Variants in NSD2 observed in about 807,000 individuals in gnomAD.
The protein encoded by NSD2 is histone-lysine N-methyltransferase NSD2.
NSD2 carries 12 observed loss-of-function variants against 139.0 expected under a neutral mutation model. That is an observed-to-expected ratio of 0.09 (90% CI 0.06 to 0.14). NSD2 has a LOEUF of 0.14. Among genes scored for constraint, NSD2 ranks in the 10% least tolerant of loss-of-function variants. The probability of loss-of-function intolerance (pLI) is 1.00; values close to 1 mark genes in which losing one functional copy is unlikely to be tolerated. For synonymous variants in NSD2, 669 were observed against 648.7 expected, an observed-to-expected ratio of 1.03 and a Z score of -0.48; for missense variants, 1,155 against 1,745.0, an observed-to-expected ratio of 0.66 and a Z score of 6.02.
At chr4:1,874,690 G>A (rs1249292490) in intron 1 of NSD2, among the ~76,000 whole-genome samples, 1 of 152,100 alleles carries the variant, frequency 6.6e-6, no homozygotes, top group African/African-American at 2.4e-5. Flanking sequence ...CCAACAAGTA[G>A]TAGAACAGAT....
intron 18 of NSD2, 133 bp downstream of exon 18, chr4:1,961,284 C>A: frequency 1.4e-6 from 1 of 736,700 alleles, no homozygotes; most frequent in Non-Finnish European, 2.2e-6. Flanking sequence ...CAAACATCTG[C>A]ACATTTTCTT....
chr4:1,900,537 C>T, intron 1 of NSD2, 89 bp from the exon 2 acceptor site: 2 of 801,066 alleles, frequency 2.5e-6, no homozygotes, highest in Non-Finnish European at 3.7e-6. Flanking sequence ...AAATCAGACC[C>T]CACAAAGCTG....
intron 1 of NSD2, among the ~76,000 whole-genome samples, chr4:1,880,467 A>T (rs1714617728): frequency 6.6e-6 from 1 of 152,122 alleles, no homozygotes; most frequent in African/African-American, 2.4e-5. Flanking sequence ...ATATTTCTTC[A>T]TTCATTGAGT....
chr4:1,976,962 C>A lies in NSD2; in HGVS notation c.3826+283C>A, dbSNP rs542928753. The stretch of plus-strand genomic sequence containing the variant: ...CCAAGGCCCAGCTGCAGAATTGGGG[C>A]CCTCATCCATGCTGTGGGGGCGGGG... On this transcript the variant is annotated intron_variant, in intron 21 of 21. Transcript: ENST00000508803. This position sits in a 1 kb window ranked among gnomAD's most constrained non-coding sequence, Gnocchi z 5.3. Among the ~76,000 whole-genome samples the A allele has an allele frequency of 6.9e-4, 105 of 152,366 alleles. No homozygotes were observed. Among genetic ancestry groups the A allele is most frequent in the Non-Finnish European group, 1.1e-3 (78 of 68,030 alleles).
chr4:1,877,792 G>T (rs1405734384), intron 1 of NSD2, among the ~76,000 whole-genome samples: 5 of 152,130 alleles, frequency 3.3e-5, no homozygotes, highest in Admixed American at 6.6e-5. Flanking sequence ...CCAGGTATCT[G>T]TGTGGCTTAC....
Position 1,976,551 on chromosome 4 carries a change from A to G in NSD2, c.3698A>G (p.Glu1233Gly). 1 of 1,613,918 alleles carries G rather than the reference A, an allele frequency of 6.2e-7. No homozygotes were observed. The highest frequency in any genetic ancestry group is 8.5e-7 in the Non-Finnish European group (1 of 1,179,948). The change falls in exon 21 of 22, where the codon GAA becomes GGA. Residue 1233 changes from glutamate to glycine, a missense_variant. Coordinates refer to ENST00000508803, the MANE Select transcript of NSD2 (RefSeq NM_001042424.3). The surrounding 1 kb of genome is among the most constrained non-coding windows in gnomAD (Gnocchi z 5.3). The part of the protein sequence containing the change: ...KKTRRRRAKG[E>G]GKRQSEDECF... ...ACGAGGCGGCGCAGAGCAAAAGGGG[A>G]AGGGAAGAGGCAGTCAGAGGACGAG...
chr4:1,954,900 A>C (rs1577535416), intron 12 of NSD2, among the ~76,000 whole-genome samples: 1 of 152,284 alleles, frequency 6.6e-6, no homozygotes, highest in South Asian at 2.1e-4. Flanking sequence ...CACACTGCAC[A>C]ATGCCCAGGT....
chr4:1,945,602 G>A (rs1723546115), intron 9 of NSD2: 1 of 1,065,140 alleles, frequency 9.4e-7, no homozygotes, highest in Non-Finnish European at 1.1e-6. Context: ...CACCTGTGAT[G>A]GCAGGGCTGT....
In NSD2 at chr4:1,918,440, A is replaced by G; in HGVS notation, c.1227A>G (p.Ala409=). The change falls in exon 5 of 22, where the codon GCA becomes GCG. Residue 409 remains alanine (A), a synonymous_variant. Coordinates refer to ENST00000508803, the MANE Select transcript of NSD2 (RefSeq NM_001042424.3). ...RRRRAKLCSS[A]ETLESHPDIG... is the part of the protein sequence containing the mutation. The stretch of plus-strand genomic sequence containing the variant: ...GGAGGGCCAAACTGTGTAGCTCTGC[A>G]GAGACCCTGGAGAGTCACCCCGACA... 6.2e-7 allele frequency: 1 copy of G among 1,614,142 alleles called. No homozygotes were observed. Among genetic ancestry groups the G allele is most frequent in the Non-Finnish European group, 8.5e-7 (1 of 1,180,032 alleles).
chr4:1,953,102 C>A (rs1165906540), intron 11 of NSD2: 4 of 1,510,350 alleles, frequency 2.6e-6, no homozygotes, highest in Non-Finnish European at 3.5e-6. Context: ...TCCTGTATTT[C>A]AGGTGAAGCT....
intron 9 of NSD2, chr4:1,947,022 G>T (rs1723706666): frequency 5.6e-6 from 6 of 1,063,902 alleles, no homozygotes; most frequent in Admixed American, 1.1e-4. Flanking sequence ...TGAGGTAGGG[G>T]TGGGGGTCCT....
chr4:1,928,805 G>C (rs1354253184), intron 5 of NSD2, among the ~76,000 whole-genome samples: 1 of 152,114 alleles, frequency 6.6e-6, no homozygotes, highest in East Asian at 1.9e-4. Context: ...GAGGTGAGAG[G>C]CAGATGTGTT....
Position 1,948,713 on chromosome 4 carries a change from G to A in NSD2, c.1882-2359G>A. ...TTTCCATTCAAAATATGTATTCAGT[G>A]TTTATTTCCTCAAAACAGACTTTGT... On this transcript the variant is annotated intron_variant, in intron 9 of 21. Coordinates refer to ENST00000508803, the MANE Select transcript of NSD2 (RefSeq NM_001042424.3). This position sits in a 1 kb window ranked among gnomAD's most constrained non-coding sequence, Gnocchi z 4.5. 1 of 1,052,590 alleles carries A rather than the reference G, an allele frequency of 9.5e-7. No individual in the cohort carries two copies. Among genetic ancestry groups the A allele is most frequent in the Non-Finnish European group, 1.1e-6 (1 of 870,256 alleles). The allele number at this position is 1,052,590 out of a possible 1,614,324, so 65.2% of individuals were successfully genotyped here.
intron 3 of NSD2, among the ~76,000 whole-genome samples, chr4:1,910,759 A>G (rs1180195332): frequency 6.6e-6 from 1 of 152,174 alleles, no homozygotes; most frequent in African/African-American, 2.4e-5. Flanking sequence ...GAGATGTGTT[A>G]AAATCTCCCA....
rs1373823679 is a variant in NSD2 at position 1,935,156 on chromosome 4, G to A, written c.1568G>A (p.Gly523Glu). ...TCCCCATTCCAAGGTAATGTAAATG[G>A]GAAAAAAAGAAACCACACAAAGAGG... Reference protein sequence around the residue: ...QAEEDSGNVNGKKRNHTKRIQ... With the variant: ...QAEEDSGNVNEKKRNHTKRIQ... The change falls in exon 7 of 22, where the codon GGG becomes GAG. Residue 523 changes from glycine to glutamate, a missense_variant. By Grantham distance (98) the Gly-to-Glu change is moderately conservative. Around this residue, in one of 8 missense-constraint regions of NSD2, gnomAD observed 420 missense variants for 469.0 expected, o/e 0.90. Transcript: ENST00000508803. 1 of 1,609,928 alleles carries A rather than the reference G, an allele frequency of 6.2e-7. No individual in the cohort carries two copies. The highest frequency in any genetic ancestry group is 1.1e-5 in the South Asian group (1 of 90,428).
At chr4:1,872,520 C>G (rs1185183361) in intron 1 of NSD2, among the ~76,000 whole-genome samples, 2 of 148,086 alleles carry the variant, frequency 1.4e-5, no homozygotes, top group East Asian at 2.0e-4. Context: ...AGTATCAAAA[C>G]TGATGTGGTG....
At chr4:1,962,933 C>T (rs1725514825) in intron 18 of NSD2, among the ~76,000 whole-genome samples, 1 of 152,166 alleles carries the variant, frequency 6.6e-6, no homozygotes, top group South Asian at 2.1e-4. Flanking sequence ...GGGCGCACCA[C>T]CCAGGGGATA....
chr4:1,894,627 G>A (rs533865421), intron 1 of NSD2, among the ~76,000 whole-genome samples: 39 of 151,130 alleles, frequency 2.6e-4, no homozygotes, highest in Non-Finnish European at 4.9e-4. Flanking sequence ...AGCTGTGATG[G>A]CACCATTGCA....
At chr4:1,939,560 T>G (rs1722861091) in intron 8 of NSD2, 94 bp from the exon 9 acceptor site, 10 of 1,273,592 alleles carry the variant, frequency 7.9e-6, no homozygotes, top group Non-Finnish European at 1.0e-5. Flanking sequence ...AAGATTCATC[T>G]TTAGAACTTC....
Sources: allele counts gnomAD v4.1 joint callset (sites outside exome capture counted in the v4.1 genomes callset), GRCh38; gene constraint gnomAD v4.1.1; regional missense constraint gnomAD v4.1.1; non-coding constraint Gnocchi (gnomAD v3.1); transcripts MANE v1.5; gene names NCBI Gene and HGNC (gene_info 2026-07-23, HGNC 2026-07-21).